The following MEF2A variants were observed in gnomAD, a reference collection of about 807,000 sequenced individuals.
MEF2A encodes the protein myocyte enhancer factor 2A, also known as myocyte-specific enhancer factor 2A.
MEF2A carries 28 observed loss-of-function variants against 55.8 expected under a neutral mutation model. The observed-to-expected ratio is 0.50, with a 90% confidence interval of 0.37 to 0.69. The LOEUF (loss-of-function observed/expected upper bound fraction) is 0.69, where lower values mean the gene tolerates loss of function less well. Ranked by LOEUF, MEF2A falls within the 30% of genes least tolerant of loss-of-function variation. MEF2A has a pLI of 0.00. For missense variants in MEF2A, 528 were observed against 626.2 expected (o/e 0.84, Z 1.67); for synonymous variants, 239 against 227.1 (o/e 1.05, Z -0.47).
intron 3 of MEF2A, among the ~76,000 whole-genome samples, chr15:99,636,248 T>G (rs2153429913): frequency 6.6e-6 from 1 of 152,366 alleles, no homozygotes; most frequent in African/African-American, 2.4e-5. Context: ...TGCTTTTTTC[T>G]TATTAATATG....
chr15:99,706,997 A>G (rs2058111440), intron 10 of MEF2A, 142 bp downstream of exon 10: 6 of 1,103,076 alleles, frequency 5.4e-6, no homozygotes, highest in Admixed American at 5.9e-5. Flanking sequence ...GTATTTTTCA[A>G]TGTGCTAGCC....
intron 1 of MEF2A, among the ~76,000 whole-genome samples, chr15:99,571,590 T>G (rs938597885): frequency 3.3e-5 from 5 of 152,196 alleles, no homozygotes; most frequent in African/African-American, 4.8e-5. Flanking sequence ...AGGCCATATG[T>G]TTTCATACTG....
At chr15:99,622,479 C>G (rs1207751899) in intron 2 of MEF2A, among the ~76,000 whole-genome samples, 1 of 152,114 alleles carries the variant, frequency 6.6e-6, no homozygotes, top group Non-Finnish European at 1.5e-5. Flanking sequence ...TTAATAAAAT[C>G]TGACTCCTGG....
chr15:99,703,574 A>G (rs1156970940), intron 9 of MEF2A, among the ~76,000 whole-genome samples, 189 bp downstream of exon 9: 1 of 152,130 alleles, frequency 6.6e-6, no homozygotes, highest in East Asian at 1.9e-4. Flanking sequence ...GTATGTGTTG[A>G]CCCATTTTAT....
intron 7 of MEF2A, among the ~76,000 whole-genome samples, chr15:99,687,100 T>C (rs900287895): frequency 4.9e-5 from 7 of 142,636 alleles, no homozygotes; most frequent in Non-Finnish European, 1.1e-4. Context: ...TTTTTTTTTT[T>C]TTTTTTTTTG....
chr15:99,597,110 G>T (rs780982018), intron 1 of MEF2A, among the ~76,000 whole-genome samples: 2 of 152,170 alleles, frequency 1.3e-5, no homozygotes, highest in Non-Finnish European at 2.9e-5. Context: ...CAGGATAACA[G>T]CAATGTTTAG....
chr15:99,587,747 A>T (rs1967822687), intron 1 of MEF2A, among the ~76,000 whole-genome samples: 2 of 152,194 alleles, frequency 1.3e-5, no homozygotes, highest in African/African-American at 4.8e-5. Context: ...TTCATTACAA[A>T]TATGTAGAAA....
chr15:99,574,214 T>C (rs769622764), intron 1 of MEF2A, among the ~76,000 whole-genome samples: 1 of 152,184 alleles, frequency 6.6e-6, no homozygotes, highest in Admixed American at 6.5e-5. Context: ...GGGTACAAAG[T>C]CTGGAAACAG....
At position 99,712,950 on chromosome 15, in the gene MEF2A, A is replaced by C. The variant is rs1448138424; in HGVS notation, c.*179A>C. On this transcript the variant is annotated 3_prime_UTR_variant, in exon 12 of 12. Transcript: ENST00000557942. This position sits in a 1 kb window ranked among gnomAD's most constrained non-coding sequence, Gnocchi z 4.1. ...GTGTGGGTGTGTGTTACATACACAG[A>C]ATCAGGCACTTACCTGCAAACTCCT... 1.4e-6 allele frequency: 1 copy of C among 729,852 alleles called. No homozygotes were observed. The highest frequency in any genetic ancestry group is 2.2e-6 in the Non-Finnish European group (1 of 459,514). 45.2% of individuals were successfully genotyped at this position (729,852 alleles called of 1,614,324 possible). A position where few individuals can be genotyped will look rare whatever the true frequency, so the allele number is the denominator to read the frequency against.
chr15:99,616,828 A>G (rs1596498469), intron 2 of MEF2A, among the ~76,000 whole-genome samples: 1 of 152,106 alleles, frequency 6.6e-6, no homozygotes, highest in African/African-American at 2.4e-5. Flanking sequence ...AGCTGTGGCC[A>G]TGGGGCTTGT....
chr15:99,654,743 T>C (rs2047425547), intron 4 of MEF2A, among the ~76,000 whole-genome samples: 1 of 152,156 alleles, frequency 6.6e-6, no homozygotes, highest in Admixed American at 6.5e-5. Context: ...CTAGGCCTTA[T>C]ATGTGAACAC....
intron 8 of MEF2A, among the ~76,000 whole-genome samples, chr15:99,700,538 T>G (rs927684187): frequency 2.0e-5 from 3 of 152,050 alleles, no homozygotes; most frequent in African/African-American, 7.2e-5. Flanking sequence ...TACAGTTGTG[T>G]GTACATATGA....
In MEF2A at chr15:99,645,777, T is replaced by C; in HGVS notation, c.258+13T>C. 1 of 1,542,394 alleles carries C rather than the reference T, an allele frequency of 6.5e-7. No homozygotes were observed. Among genetic ancestry groups the C allele is most frequent in the South Asian group, 1.2e-5 (1 of 82,070 alleles). The stretch of plus-strand genomic sequence containing the variant: ...GGATATTGTTGAGGTAACACATATC[T>C]AGTAATACGTGAATTGCAAGTAATA... On this transcript the variant is annotated intron_variant, in intron 4 of 11. Transcript: ENST00000557942.
chr15:99,623,805 G>A (rs969635768), intron 2 of MEF2A, among the ~76,000 whole-genome samples: 5 of 139,144 alleles, frequency 3.6e-5, no homozygotes, highest in Admixed American at 2.2e-4. Flanking sequence ...ATGATCTGCC[G>A]TTTTTTTTTT....
At chr15:99,571,602 T>A (rs1962332495) in intron 1 of MEF2A, among the ~76,000 whole-genome samples, 1 of 152,198 alleles carries the variant, frequency 6.6e-6, no homozygotes, top group African/African-American at 2.4e-5. Flanking sequence ...TTCATACTGA[T>A]GACTACTACT....
chr15:99,691,216 A>G (rs903185976), intron 8 of MEF2A, among the ~76,000 whole-genome samples: 6 of 150,992 alleles, frequency 4.0e-5, no homozygotes, highest in Non-Finnish European at 5.9e-5. Flanking sequence ...GGGGGATTCA[A>G]ACAAAGAGGA....
chr15:99,608,561 A>G (rs1020925094), intron 2 of MEF2A, among the ~76,000 whole-genome samples: 1 of 152,152 alleles, frequency 6.6e-6, no homozygotes, highest in Non-Finnish European at 1.5e-5. Context: ...GTTTTGGTGT[A>G]TTGACTATTT....
At chr15:99,680,826 A>G (rs1414939214) in intron 7 of MEF2A, among the ~76,000 whole-genome samples, 1 of 152,214 alleles carries the variant, frequency 6.6e-6, no homozygotes, top group Non-Finnish European at 1.5e-5. Flanking sequence ...GTGATGCTGT[A>G]TTAATACAGT....
chr15:99,592,233 C>T (rs536440953), intron 1 of MEF2A, among the ~76,000 whole-genome samples: 1 of 152,164 alleles, frequency 6.6e-6, no homozygotes, highest in Non-Finnish European at 1.5e-5. Flanking sequence ...ACTGATTGCC[C>T]AGGTTTCTCT....
Sources: allele counts gnomAD v4.1 joint callset (sites outside exome capture counted in the v4.1 genomes callset), GRCh38; gene constraint gnomAD v4.1.1; non-coding constraint Gnocchi (gnomAD v3.1); transcripts MANE v1.5; gene names NCBI Gene and HGNC (gene_info 2026-07-23, HGNC 2026-07-21).